RAD17: variants seen among roughly 807,000 people sequenced by gnomAD.
RAD17 encodes cell cycle checkpoint protein RAD17.
A neutral mutation model predicts 81.5 loss-of-function variants in RAD17; 31 were observed. The observed-to-expected ratio is 0.38, with a 90% confidence interval of 0.29 to 0.51. RAD17 has a LOEUF of 0.51. RAD17 is among the 20% of genes least tolerant of loss of function. The pLI, the probability that RAD17 is intolerant of heterozygous loss-of-function variation, is 0.88. For missense variants in RAD17, 681 were observed against 781.2 expected, an observed-to-expected ratio of 0.87 and a Z score of 1.53; for synonymous variants, 261 against 266.2, an observed-to-expected ratio of 0.98 and a Z score of 0.19.
At chr5:69,388,492 A>C (rs543156428) in intron 11 of RAD17, among the ~76,000 whole-genome samples, 1 of 152,344 alleles carries the variant, frequency 6.6e-6, no homozygotes, top group East Asian at 1.9e-4. Context: ...AAAGTGAAAA[A>C]GTAAAATAAT....
Position 69,369,934 on chromosome 5 carries a change from G to A in RAD17, c.-417+1G>A, listed in dbSNP as rs942800343. 3 of 563,784 alleles carry A rather than the reference G, an allele frequency of 5.3e-6. No individual in the cohort carries two copies. Among genetic ancestry groups the A allele is most frequent in the Non-Finnish European group, 9.4e-6 (3 of 319,510 alleles). The allele number at this position is 563,784 out of a possible 1,614,324, so 34.9% of individuals were successfully genotyped here. ...TAAAAGGGGATGCAGCTCCGGGAAA[G>A]TAAGGCCGCCGCGGTTGCGGCTATA... On this transcript the variant is annotated splice_donor_variant, in intron 1 of 18. Coordinates refer to ENST00000354868, the MANE Select transcript of RAD17 (RefSeq NM_133338.3). LOFTEE classifies it low-confidence loss of function (5UTR_SPLICE).
intron 6 of RAD17, among the ~76,000 whole-genome samples, chr5:69,377,838 C>G (rs1484765946): frequency 1.3e-5 from 2 of 151,576 alleles, no homozygotes; most frequent in Admixed American, 1.3e-4. Context: ...GTTGCCTACA[C>G]TGGATTGCAG....
chr5:69,402,051 T>C (rs1765307859), intron 17 of RAD17, among the ~76,000 whole-genome samples: 2 of 150,782 alleles, frequency 1.3e-5, no homozygotes, highest in Non-Finnish European at 3.0e-5. Flanking sequence ...TTTAAACTTT[T>C]TGTTTTTTTT....
chr5:69,369,417 C>T (rs959953829), upstream of RAD17: 2 of 1,601,416 alleles, frequency 1.2e-6, no homozygotes, highest in Non-Finnish European at 1.7e-6. Flanking sequence ...GCACTCTGCG[C>T]CCCCAGCCTG....
At chr5:69,408,829 A>G (rs73113084) in intron 17 of RAD17, among the ~76,000 whole-genome samples, 2,140 of 152,048 alleles carry the variant, frequency 0.014, 50 homozygotes, top group African/African-American at 0.049. Flanking sequence ...ATTACTATCT[A>G]ATTGCTCTGT....
At chr5:69,376,000 A>G (rs562882492) in intron 6 of RAD17, among the ~76,000 whole-genome samples, 2 of 152,288 alleles carry the variant, frequency 1.3e-5, no homozygotes, top group African/African-American at 2.4e-5. Flanking sequence ...TGCATTTCCT[A>G]TAACCTGAAA....
intron 6 of RAD17, among the ~76,000 whole-genome samples, chr5:69,381,148 A>G (rs1242304752): frequency 6.6e-6 from 1 of 152,156 alleles, no homozygotes; most frequent in East Asian, 1.9e-4. Flanking sequence ...TTGTATTTGT[A>G]TAACAGTAAC....
chr5:69,408,485 C>T (rs143178505), intron 17 of RAD17, among the ~76,000 whole-genome samples: 170 of 148,126 alleles, frequency 1.1e-3, no homozygotes, highest in African/African-American at 4.0e-3. Flanking sequence ...TTTGTTATCA[C>T]ACTGTTGGCT....
intron 6 of RAD17, among the ~76,000 whole-genome samples, chr5:69,376,797 A>G (rs546544529): frequency 1.3e-5 from 2 of 151,512 alleles, no homozygotes; most frequent in Non-Finnish European, 2.9e-5. Context: ...TTTGTCACAC[A>G]GGCTAGAGTG....
intron 16 of RAD17, among the ~76,000 whole-genome samples, chr5:69,399,473 C>T (rs766951528): frequency 1.3e-5 from 2 of 152,172 alleles, no homozygotes; most frequent in African/African-American, 2.4e-5. Flanking sequence ...TAAAATCATA[C>T]AGCTGAAAAT....
At chr5:69,378,258 G>A (rs1763637907) in intron 6 of RAD17, among the ~76,000 whole-genome samples, 1 of 152,160 alleles carries the variant, frequency 6.6e-6, no homozygotes, top group Non-Finnish European at 1.5e-5. Context: ...TATTTGCAGA[G>A]TTTAATTTTT....
At chr5:69,381,430 G>A (rs904715188) in intron 6 of RAD17, among the ~76,000 whole-genome samples, 2 of 151,532 alleles carry the variant, frequency 1.3e-5, no homozygotes, top group East Asian at 1.9e-4. Flanking sequence ...GCAGTGAGCC[G>A]AGATTATGCC....
intron 16 of RAD17, among the ~76,000 whole-genome samples, chr5:69,399,135 G>C (rs916522299): frequency 3.3e-5 from 5 of 151,994 alleles, no homozygotes; most frequent in African/African-American, 7.2e-5. Flanking sequence ...TTCCTACCTA[G>C]TCCCAGCTAC....
In RAD17 at chr5:69,393,253, A is replaced by T. The variant is rs759620095; in HGVS notation, c.1275+13A>T. 25 of 1,590,756 alleles carry T rather than the reference A, an allele frequency of 1.6e-5. No individual in the cohort carries two copies. Among genetic ancestry groups the T allele is most frequent in the Non-Finnish European group, 2.2e-5 (25 of 1,160,836 alleles). On this transcript the variant is annotated intron_variant, in intron 14 of 18. Transcript: ENST00000354868. ...TGTTGAACCTGAGGTAAGTTCTTTGATGACACTTAGTATAGGTTACAAAGG... is the reference window on the plus strand; with the variant it reads ...TGTTGAACCTGAGGTAAGTTCTTTGTTGACACTTAGTATAGGTTACAAAGG...
intron 11 of RAD17, among the ~76,000 whole-genome samples, chr5:69,387,830 C>T (rs1764308993): frequency 6.6e-6 from 1 of 152,042 alleles, no homozygotes; most frequent in East Asian, 1.9e-4. Context: ...TCACTCCAGC[C>T]TGGGCAGCAA....
At chr5:69,393,830 G>A (rs552222460) in intron 15 of RAD17, among the ~76,000 whole-genome samples, 3 of 150,436 alleles carry the variant, frequency 2.0e-5, no homozygotes, top group East Asian at 2.0e-4. Context: ...CTGAGCCTCC[G>A]AAAGTGCTGG....
chr5:69,399,251 ATC>A (rs999533205), intron 16 of RAD17, among the ~76,000 whole-genome samples: 11 of 152,130 alleles, frequency 7.2e-5, no homozygotes, highest in African/African-American at 2.7e-4. Context: ...TGAGACCCCC[ATC>A]TCTCAAAAAA....
At chr5:69,374,124 A>AT (rs1360913676) in intron 5 of RAD17, 37 bp downstream of exon 5, 3 of 1,556,088 alleles carry the variant, frequency 1.9e-6, no homozygotes, top group Non-Finnish European at 1.7e-6. Context: ...ACATAATTTA[A>AT]TTTCAGGGTG....
chr5:69,414,512 T>A lies in RAD17; in HGVS notation c.*220T>A. The A allele has an allele frequency of 3.2e-6, 2 of 626,338 alleles. No homozygotes were observed. Among genetic ancestry groups the A allele is most frequent in the South Asian group, 4.2e-5 (2 of 47,362 alleles). The allele number at this position is 626,338 out of a possible 1,614,324, so 38.8% of individuals were successfully genotyped here. A position where few individuals can be genotyped will look rare whatever the true frequency, so the allele number is the denominator to read the frequency against. ...CTTAATTTTTTCGGTATTTATTAAA[T>A]CTGTGAGTGGTTTAAGGAGCGGTCA... On this transcript the variant is annotated 3_prime_UTR_variant, in exon 19 of 19. Transcript: ENST00000354868.
Sources: allele counts gnomAD v4.1 joint callset (sites outside exome capture counted in the v4.1 genomes callset), GRCh38; gene constraint gnomAD v4.1.1; transcripts MANE v1.5; gene names NCBI Gene and HGNC (gene_info 2026-07-23, HGNC 2026-07-21).